The following DGKZ variants were observed in gnomAD, a reference collection of about 807,000 sequenced individuals.
The protein encoded by DGKZ is DAG kinase zeta.
DGKZ carries 45 observed loss-of-function variants against 142.5 expected under a neutral mutation model. The observed-to-expected ratio is 0.32, with a 90% confidence interval of 0.25 to 0.40. The LOEUF (loss-of-function observed/expected upper bound fraction) is 0.40. Ranked by LOEUF, DGKZ falls within the 10% of genes least tolerant of loss-of-function variation. The probability of loss-of-function intolerance (pLI) is 1.00; values close to 1 mark genes in which losing one functional copy is unlikely to be tolerated. For synonymous variants in DGKZ, 442 were observed against 527.0 expected, an observed-to-expected ratio of 0.84 and a Z score of 2.21; for missense variants, 755 against 1,306.5, an observed-to-expected ratio of 0.58 and a Z score of 6.51.
intron 5 of DGKZ, 154 bp from the exon 6 acceptor site, chr11:46,369,787 C>T (rs958071706): frequency 1.2e-5 from 11 of 929,770 alleles, no homozygotes; most frequent in Admixed American, 2.2e-5. Context: ...GAGCCTCCCC[C>T]AGGCCATGAA....
intron 1 of DGKZ, among the ~76,000 whole-genome samples, chr11:46,354,945 G>A (rs1049499271): frequency 2.0e-5 from 3 of 152,106 alleles, no homozygotes; most frequent in South Asian, 2.1e-4. Context: ...CTCTGTTGAC[G>A]GACACTTGGG....
intron 1 of DGKZ, chr11:46,364,264 T>C: frequency 1.1e-6 from 1 of 926,458 alleles, no homozygotes; most frequent in South Asian, 1.4e-5. Flanking sequence ...GTCAACTTCC[T>C]CATCAGGAAT....
intron 27 of DGKZ, 38 bp downstream of exon 27, chr11:46,378,538 T>A (rs1273643870): frequency 6.2e-7 from 1 of 1,612,786 alleles, no homozygotes; most frequent in Admixed American, 1.7e-5. Context: ...CCCCAGCAGC[T>A]CCCTCGGGCC....
At chr11:46,354,449 G>A (rs1354750537) in intron 1 of DGKZ, among the ~76,000 whole-genome samples, 1 of 152,162 alleles carries the variant, frequency 6.6e-6, no homozygotes, top group African/African-American at 2.4e-5. Context: ...TCCCACCTTG[G>A]CCTCCTGAGT....
At chr11:46,352,130 C>T (rs139381120) in intron 1 of DGKZ, among the ~76,000 whole-genome samples, 3 of 152,340 alleles carry the variant, frequency 2.0e-5, no homozygotes, top group Non-Finnish European at 4.4e-5. Context: ...CCAGTGGCCC[C>T]CCCGGGGCAG....
intron 14 of DGKZ, among the ~76,000 whole-genome samples, chr11:46,373,356 A>G (rs1306773270): frequency 2.3e-5 from 3 of 129,558 alleles, no homozygotes; most frequent in Non-Finnish European, 3.1e-5. Context: ...GCGCAATCCC[A>G]GCTCACTGCA....
At position 46,372,112 on chromosome 11, in the gene DGKZ, C is replaced by G. The variant is rs1944010878; in HGVS notation, c.869C>G (p.Pro290Arg). Residue 290 changes from proline to arginine, a missense_variant, in exon 10 of 31, where the codon CCC (proline) becomes CGC (arginine). Physicochemically the swap from Pro to Arg is moderately radical, Grantham distance 103. Around this residue, in one of 8 missense-constraint regions of DGKZ, gnomAD observed 142 missense variants for 244.4 expected, o/e 0.58. Coordinates refer to ENST00000527911, the Ensembl canonical transcript of DGKZ. This position sits in a 1 kb window ranked among gnomAD's most constrained non-coding sequence, Gnocchi z 5.9. ...AGACCCTTCATCATCAGGCCCACCC[C>G]CTCCCCGCTCATGAAGCCCCTGCTG... The G allele has an allele frequency of 1.2e-6, 2 of 1,611,910 alleles. No individual in the cohort carries two copies. The highest frequency in any genetic ancestry group is 1.3e-5 in the African/African-American group (1 of 74,846).
Position 46,378,078 on chromosome 11 carries a change from G to A in DGKZ, c.2343-120G>A. On this transcript the variant is annotated intron_variant, in intron 25 of 30. Coordinates refer to ENST00000527911, the Ensembl canonical transcript of DGKZ. The stretch of plus-strand genomic sequence containing the variant: ...ATCCCCAGTGCCTGGAATAGTGCTT[G>A]GTGTGTAGCAGGCACTCAATAAACT... 5 of 1,272,142 alleles carry A rather than the reference G, an allele frequency of 3.9e-6. No homozygotes were observed. The Admixed American group carries it at 6.0e-5, about 15-fold the overall frequency. The allele number at this position is 1,272,142 out of a possible 1,614,324, so 78.8% of individuals were successfully genotyped here. A position where few individuals can be genotyped will look rare whatever the true frequency, so the allele number is the denominator to read the frequency against.
intron 1 of DGKZ, chr11:46,364,337 A>G: frequency 7.8e-7 from 1 of 1,281,916 alleles, no homozygotes; most frequent in Non-Finnish European, 1.0e-6. Context: ...AGTGTTTGTC[A>G]GGGGCTTAGC....
At chr11:46,344,905 T>A (rs1235924719), upstream of DGKZ, among the ~76,000 whole-genome samples, 1 of 152,160 alleles carries the variant, frequency 6.6e-6, no homozygotes, top group South Asian at 2.1e-4. Flanking sequence ...CACACAGAGC[T>A]GGTAAGAGGC....
Position 46,340,355 on chromosome 11 carries a change from C to T in DGKZ, c.212+6868C>T, listed in dbSNP as rs574547276. On this transcript the variant is annotated intron_variant, in intron 1 of 30. Transcript: ENST00000343674. Reference sequence around the variant, plus strand: ...CTTGGAAGGCAGGAGACACACTGACCGTGTCGTGGGGGCTTGGTGTAGTCC... The same window carrying T: ...CTTGGAAGGCAGGAGACACACTGACTGTGTCGTGGGGGCTTGGTGTAGTCC... Among the ~76,000 whole-genome samples the T allele has an allele frequency of 1.4e-4, 22 of 152,216 alleles. 1 individual carries two copies. The South Asian group carries it at 2.3e-3, about 16-fold the overall frequency.
intron 19 of DGKZ, 27 bp downstream of exon 19, chr11:46,375,072 C>T (rs771910967): frequency 6.4e-7 from 1 of 1,553,056 alleles, no homozygotes; most frequent in East Asian, 2.3e-5. Context: ...CCCATGGTGC[C>T]TGGGAGCACA....
In DGKZ at chr11:46,372,665, G is replaced by A. The variant is rs776692090; in HGVS notation, c.1059G>A (p.Gly353=). The A allele has an allele frequency of 3.7e-6, 6 of 1,613,452 alleles. No individual in the cohort carries two copies. The highest frequency in any genetic ancestry group is 1.7e-6 in the Non-Finnish European group (2 of 1,179,960). ...ACAACCTGCGGATCCTGGCGTGCGG[G>A]GGCGACGGCACGGTGAGCTCCCCGC... Residue 353 remains glycine (G), a synonymous_variant, in exon 12 of 31, where the codon GGG becomes GGA. Coordinates refer to ENST00000527911, the Ensembl canonical transcript of DGKZ. This position sits in a 1 kb window ranked among gnomAD's most constrained non-coding sequence, Gnocchi z 5.9.
At chr11:46,369,228 G>C (rs796305036) in intron 4 of DGKZ, 1 of 557,000 alleles carries the variant, frequency 1.8e-6, no homozygotes, top group Non-Finnish European at 3.2e-6. Context: ...CCATGTTAGT[G>C]GGGGAGACGG....
intron 1 of DGKZ, among the ~76,000 whole-genome samples, chr11:46,337,213 A>G (rs967114602): frequency 6.6e-6 from 1 of 151,568 alleles, no homozygotes; most frequent in Non-Finnish European, 1.5e-5. Context: ...TCAAAGATGC[A>G]GGATTTGCAA....
At chr11:46,377,718 T>C in intron 25 of DGKZ, 1 of 204,428 alleles carries the variant, frequency 4.9e-6, no homozygotes, top group Non-Finnish European at 9.9e-6. Context: ...CCTCCCTGAG[T>C]TCACCTCCAT....
At chr11:46,368,167 C>T (rs1436141665) in intron 4 of DGKZ, 88 bp downstream of exon 4, 3 of 1,415,266 alleles carry the variant, frequency 2.1e-6, no homozygotes, top group African/African-American at 1.4e-5. Flanking sequence ...GTTATACAAA[C>T]GGCCTGCCAG....
chr11:46,378,033 C>T (rs1944753345), intron 25 of DGKZ, 165 bp from the exon 26 acceptor site: 4 of 810,126 alleles, frequency 4.9e-6, no homozygotes, highest in East Asian at 5.3e-5. Flanking sequence ...AGGCCTTCCT[C>T]TGTCTCGTTT....
intron 27 of DGKZ, 94 bp from the exon 28 acceptor site, chr11:46,378,897 T>C (rs1326230549): frequency 2.7e-6 from 4 of 1,476,346 alleles, no homozygotes; most frequent in Non-Finnish European, 3.6e-6. Context: ...GTTTCAGGCC[T>C]GTGCTGGTGT....
Sources: gnomAD v4.1 joint callset for allele counts (sites outside exome capture counted in the v4.1 genomes callset) on GRCh38, gnomAD v4.1.1 for gene constraint, gnomAD v4.1.1 regional missense constraint, Gnocchi (gnomAD v3.1) non-coding constraint, MANE v1.5 for transcripts, NCBI Gene and HGNC (gene_info 2026-07-23, HGNC 2026-07-21) for gene names.